NCKAP5: variants seen among roughly 807,000 people sequenced by gnomAD.
The protein encoded by NCKAP5 is NCK associated protein 5, also known as nck-associated protein 5.
NCKAP5 carries 92 observed loss-of-function variants against 167.0 expected under a neutral mutation model. The observed-to-expected ratio is 0.55, with a 90% CI of 0.47 to 0.66. The LOEUF (loss-of-function observed/expected upper bound fraction) is 0.66, where lower values mean the gene tolerates loss of function less well. Ranked by LOEUF, NCKAP5 falls within the 30% of genes least tolerant of loss-of-function variation. The pLI is 0.00. For synonymous variants in NCKAP5, 891 were observed against 877.4 expected (o/e 1.02, Z -0.27); for missense variants, 2,378 against 2,315.0 (o/e 1.03, Z -0.56).
intron 17 of NCKAP5, among the ~76,000 whole-genome samples, chr2:132,731,443 A>G (rs1366546292): frequency 6.6e-6 from 1 of 152,244 alleles, no homozygotes; most frequent in East Asian, 1.9e-4. Context: ...TAAGTTTTAT[A>G]GGATAAAACC....
rs940195794 is a variant in NCKAP5 at position 133,547,690 on chromosome 2, A to G, written c.-62+11360T>C. ...TTCCTGTCTGTTAGAAGGAAAACTA[A>G]CAAACAGAAAGGACATCCACATCGA... On this transcript the variant is annotated intron_variant, in intron 2 of 19. Coordinates refer to ENST00000409261, the MANE Select transcript of NCKAP5 (RefSeq NM_207363.3). Among the ~76,000 whole-genome samples the G allele has an allele frequency of 8.1e-4, 122 of 150,874 alleles. 1 individual carries two copies. The highest frequency in any genetic ancestry group is 1.1e-3 in the Non-Finnish European group (74 of 67,674).
chr2:133,273,973 C>CAA lies in NCKAP5; in HGVS notation c.143+29062_143+29063dup, dbSNP rs397872263. Reference sequence around the variant, plus strand: ...CCTTAACCTGATAAAGTTTGTCTACCAAAAAAAAAAAAAAAAATCTATAAC... The same window carrying CAA: ...CCTTAACCTGATAAAGTTTGTCTACCAAAAAAAAAAAAAAAAAAATCTATAAC... On this transcript the variant is annotated intron_variant, in intron 4 of 19. Transcript: ENST00000409261. 8.0e-3 allele frequency among the ~76,000 whole-genome samples: 987 copies of CAA among 123,630 alleles called. 8 individuals are homozygous for CAA. The highest frequency in any genetic ancestry group is 0.025 in the African/African-American group (848 of 33,730). 81.1% of individuals were successfully genotyped at this position (123,630 alleles called of 152,430 possible). A position where few individuals can be genotyped will look rare whatever the true frequency, so the allele number is the denominator to read the frequency against.
chr2:133,422,514 G>A (rs1175362097), intron 3 of NCKAP5, among the ~76,000 whole-genome samples: 6 of 152,170 alleles, frequency 3.9e-5, no homozygotes, highest in African/African-American at 1.4e-4. Flanking sequence ...TAAAGGAAGT[G>A]TCTGTGACCC....
chr2:132,895,262 C>T (rs367935700), intron 8 of NCKAP5, among the ~76,000 whole-genome samples: 8 of 143,868 alleles, frequency 5.6e-5, no homozygotes, highest in Admixed American at 1.5e-4. Context: ...ACCCGGGAGG[C>T]GGAGTTTGCG....
chr2:132,910,797 T>C (rs915279452), intron 8 of NCKAP5, among the ~76,000 whole-genome samples: 1 of 152,224 alleles, frequency 6.6e-6, no homozygotes, highest in African/African-American at 2.4e-5. Context: ...CTTATATGTA[T>C]AAGCTTTGGA....
chr2:132,691,496 T>C (rs1458452727), intron 19 of NCKAP5, among the ~76,000 whole-genome samples: 1 of 152,190 alleles, frequency 6.6e-6, no homozygotes, highest in East Asian at 1.9e-4. Context: ...TTCAGGGCCT[T>C]TGCACTTGCT....
the NCKAP5 span, among the ~76,000 whole-genome samples, chr2:133,649,163 A>G: frequency 6.6e-6 from 1 of 151,466 alleles, no homozygotes; most frequent in Non-Finnish European, 1.5e-5. Context: ...TCCTAGAAAC[A>G]TATAACCTAT....
chr2:133,261,667 T>C (rs1443314553), intron 4 of NCKAP5, among the ~76,000 whole-genome samples: 1 of 152,208 alleles, frequency 6.6e-6, no homozygotes, highest in African/African-American at 2.4e-5. Context: ...AATTTAATGT[T>C]AACTGAAATG....
chr2:132,748,593 C>T (rs1679844267), intron 16 of NCKAP5, among the ~76,000 whole-genome samples: 1 of 152,230 alleles, frequency 6.6e-6, no homozygotes, highest in Non-Finnish European at 1.5e-5. Flanking sequence ...GGTCTTCTAA[C>T]ACCAAGTCCA....
chr2:133,298,044 A>T (rs1172834768), intron 4 of NCKAP5, among the ~76,000 whole-genome samples: 2 of 152,196 alleles, frequency 1.3e-5, no homozygotes, highest in Non-Finnish European at 2.9e-5. Context: ...ATTTAATCAT[A>T]ACCAGAAAGG....
At chr2:133,073,628 A>T (rs2080497777) in intron 6 of NCKAP5, among the ~76,000 whole-genome samples, 1 of 152,188 alleles carries the variant, frequency 6.6e-6, no homozygotes, top group South Asian at 2.1e-4. Flanking sequence ...AAAAAGAATC[A>T]TCAATTAGAG....
At chr2:132,694,647 A>G (rs1415469917) in intron 19 of NCKAP5, among the ~76,000 whole-genome samples, 1 of 152,198 alleles carries the variant, frequency 6.6e-6, no homozygotes, top group African/African-American at 2.4e-5. Context: ...ACTTCCTTCA[A>G]TCACCTAAGA....
chr2:132,904,255 T>G (rs893773530), intron 8 of NCKAP5, among the ~76,000 whole-genome samples: 2 of 150,984 alleles, frequency 1.3e-5, no homozygotes, highest in Admixed American at 6.6e-5. Context: ...GCCACTGCAC[T>G]CCAGCCTGGG....
chr2:133,477,234 G>A (rs753492507), intron 3 of NCKAP5, among the ~76,000 whole-genome samples: 12 of 152,326 alleles, frequency 7.9e-5, no homozygotes, highest in African/African-American at 1.9e-4. Context: ...GAGCCCAGGC[G>A]TTCTGGCCTA....
intron 11 of NCKAP5, among the ~76,000 whole-genome samples, chr2:132,845,025 G>T (rs1161040884): frequency 1.3e-5 from 2 of 152,084 alleles, no homozygotes; most frequent in African/African-American, 4.8e-5. Flanking sequence ...GTGAAAAAAG[G>T]TTATCTTGTG....
chr2:133,119,864 T>C (rs1055894545), intron 6 of NCKAP5, among the ~76,000 whole-genome samples: 2 of 151,572 alleles, frequency 1.3e-5, no homozygotes, highest in African/African-American at 4.8e-5. Context: ...TTAATATATA[T>C]GATTCGATAT....
chr2:133,239,058 A>C (rs964745286), intron 4 of NCKAP5, among the ~76,000 whole-genome samples: 2 of 152,198 alleles, frequency 1.3e-5, no homozygotes, highest in Non-Finnish European at 2.9e-5. Context: ...ACAGTCCATC[A>C]TGTTGGATTC....
At chr2:133,143,884 C>T (rs1033667481) in intron 5 of NCKAP5, among the ~76,000 whole-genome samples, 1 of 152,008 alleles carries the variant, frequency 6.6e-6, no homozygotes, top group African/African-American at 2.4e-5. Context: ...TGAGCCCATG[C>T]AATCTGATTC....
intron 6 of NCKAP5, among the ~76,000 whole-genome samples, chr2:133,002,585 A>C (rs764764545): frequency 2.0e-5 from 3 of 152,204 alleles, no homozygotes; most frequent in African/African-American, 4.8e-5. Flanking sequence ...AAGACCAGCT[A>C]TTCATGGAAA....
Sources: gnomAD v4.1 joint callset for allele counts (sites outside exome capture counted in the v4.1 genomes callset) on GRCh38, gnomAD v4.1.1 for gene constraint, MANE v1.5 for transcripts, NCBI Gene and HGNC (gene_info 2026-07-23, HGNC 2026-07-21) for gene names.